SNED1: variants seen among roughly 807,000 people sequenced by gnomAD.
SNED1 encodes the protein sushi, nidogen and EGF-like domain-containing protein 1.
A neutral mutation model predicts 166.7 loss-of-function variants in SNED1; 81 were observed. The ratio of observed to expected loss-of-function variants is 0.49; its 90% CI spans 0.41 to 0.58. The LOEUF (loss-of-function observed/expected upper bound fraction) is 0.58, where lower values mean the gene tolerates loss of function less well. SNED1 is among the 20% of genes least tolerant of loss of function. The probability of loss-of-function intolerance (pLI) is 0.00; values close to 1 mark genes in which losing one functional copy is unlikely to be tolerated. For synonymous variants in SNED1, 762 were observed against 822.0 expected (o/e 0.93, Z 1.25); for missense variants, 1,604 against 2,000.2 (o/e 0.80, Z 3.78).
chr2:241,023,913 A>T (rs2060850744), intron 1 of SNED1, among the ~76,000 whole-genome samples: 2 of 49,614 alleles, frequency 4.0e-5, no homozygotes, highest in Admixed American at 3.2e-4. Context: ...TTTTTGAGAC[A>T]GAGACTTGCT....
intron 2 of SNED1, chr2:241,033,504 A>C: frequency 5.8e-6 from 3 of 517,616 alleles, no homozygotes; most frequent in South Asian, 5.3e-5. Context: ...CACTCACCCC[A>C]GCAATAGTTG....
chr2:241,079,411 CAA>C (rs757361914), intron 27 of SNED1, among the ~76,000 whole-genome samples: 20 of 74,416 alleles, frequency 2.7e-4, no homozygotes, highest in Admixed American at 4.7e-4. Flanking sequence ...GACTCCATCT[CAA>C]AAAAAAAAAA....
chr2:241,020,592 TGG>T (rs1257280796), intron 1 of SNED1, among the ~76,000 whole-genome samples: 2 of 152,238 alleles, frequency 1.3e-5, no homozygotes, highest in African/African-American at 4.8e-5. Flanking sequence ...CAGGACCTGT[TGG>T]GCGCTGCCCT....
chr2:241,033,530 C>A, intron 2 of SNED1: 1 of 572,730 alleles, frequency 1.7e-6, no homozygotes. Context: ...TGCAGACGGC[C>A]TCTGCTGAGT....
rs551511424 is a variant in SNED1, at chr2:241,036,181, G to A, written c.806-609G>A. Among the ~76,000 whole-genome samples the A allele has an allele frequency of 1.3e-3, 199 of 151,942 alleles. 1 individual carries two copies. Among genetic ancestry groups the A allele is most frequent in the Middle Eastern group, 0.01 (3 of 294 alleles). On this transcript the variant is annotated intron_variant, in intron 4 of 31. Coordinates refer to ENST00000310397, the MANE Select transcript of SNED1 (RefSeq NM_001080437.3). ...AGAGGAAAGATGCAGTCGCAGGGCG[G>A]GAAGACCCATCTGAGGGCTGCAGGT...
intron 1 of SNED1, among the ~76,000 whole-genome samples, chr2:241,002,034 C>T (rs994279997): frequency 4.6e-5 from 7 of 152,300 alleles, no homozygotes; most frequent in African/African-American, 9.6e-5. Context: ...GGCACAGTCC[C>T]GGCCCTACCC....
At chr2:241,017,659 G>A (rs980356398) in intron 1 of SNED1, among the ~76,000 whole-genome samples, 2 of 152,184 alleles carry the variant, frequency 1.3e-5, no homozygotes, top group Admixed American at 6.5e-5. Context: ...ACCAGTATAC[G>A]CCATGCCAGC....
intron 31 of SNED1, chr2:241,090,438 A>G (rs982564913): frequency 8.4e-6 from 13 of 1,545,110 alleles, no homozygotes; most frequent in East Asian, 2.4e-5. Flanking sequence ...TCATAAGTAG[A>G]AGGAGTACAC....
Position 241,073,595 on chromosome 2 carries a change from C to T in SNED1, c.3916+231C>T. On this transcript the variant is annotated intron_variant, in intron 27 of 31. Coordinates refer to ENST00000310397, the MANE Select transcript of SNED1 (RefSeq NM_001080437.3). This position sits in a 1 kb window ranked among gnomAD's most constrained non-coding sequence, Gnocchi z 6.6. ...GGCCAGGGGGCAGGACCCACCCAAA[C>T]CACCCAGAGTCTGAGCTAGAGAGAC... 1.7e-6 allele frequency: 1 copy of T among 588,948 alleles called. No individual in the cohort carries two copies. Among genetic ancestry groups the T allele is most frequent in the Non-Finnish European group, 3.0e-6 (1 of 328,038 alleles). 36.5% of individuals were successfully genotyped at this position (588,948 alleles called of 1,614,324 possible).
chr2:241,062,565 G>A (rs1156937901), intron 16 of SNED1, among the ~76,000 whole-genome samples: 3 of 152,134 alleles, frequency 2.0e-5, no homozygotes, highest in African/African-American at 7.2e-5. Context: ...GGAGCCCTGG[G>A]GTGGTTTCAA....
At position 241,019,977 on chromosome 2, in the gene SNED1, C is replaced by T. The variant is rs1313775630; in HGVS notation, c.214-10307C>T. Among the ~76,000 whole-genome samples, 3 of 152,334 alleles carry T rather than the reference C, an allele frequency of 2.0e-5. No individual in the cohort carries two copies. In the East Asian group the frequency reaches 5.8e-4, roughly 29 times the overall value. On this transcript the variant is annotated intron_variant, in intron 1 of 31. Coordinates refer to ENST00000310397, the MANE Select transcript of SNED1 (RefSeq NM_001080437.3). ...ACGTGAGTGTGCTCAGCCGTGCTCC[C>T]ACAAACCCTGTTTCTGAAACCAGGC...
Position 241,082,188 on chromosome 2 carries a change from C to T in SNED1, c.4034-89C>T, listed in dbSNP as rs1245362636. ...TGGAGGAAGCCAGCCTAAGGACCCCCGGGCCCTCTCCCTTGGGCAAGGCCT... is the reference window on the plus strand; with the variant it reads ...TGGAGGAAGCCAGCCTAAGGACCCCTGGGCCCTCTCCCTTGGGCAAGGCCT... On this transcript the variant is annotated intron_variant, in intron 28 of 31. Transcript: ENST00000310397. 9 of 1,052,820 alleles carry T rather than the reference C, an allele frequency of 8.5e-6. No homozygotes were observed. In the East Asian group the frequency reaches 9.6e-5, roughly 11 times the overall value. The allele number at this position is 1,052,820 out of a possible 1,614,324, so 65.2% of individuals were successfully genotyped here. A position where few individuals can be genotyped will look rare whatever the true frequency, so the allele number is the denominator to read the frequency against.
intron 27 of SNED1, among the ~76,000 whole-genome samples, chr2:241,079,442 C>T (rs959689337): frequency 2.0e-5 from 3 of 148,408 alleles, no homozygotes; most frequent in African/African-American, 7.4e-5. Context: ...ACGTGCAGAA[C>T]AGTGTTTTCA....
At chr2:241,059,541 T>C (rs1028804984) in intron 16 of SNED1, among the ~76,000 whole-genome samples, 2 of 152,172 alleles carry the variant, frequency 1.3e-5, no homozygotes, top group Non-Finnish European at 2.9e-5. Context: ...CCAAACAAAA[T>C]ATTACTAAGT....
intron 16 of SNED1, among the ~76,000 whole-genome samples, chr2:241,059,606 T>A (rs1019967751): frequency 1.3e-5 from 2 of 152,018 alleles, no homozygotes; most frequent in Admixed American, 1.3e-4. Flanking sequence ...GGGATTTTTC[T>A]CAAGGACACA....
intron 1 of SNED1, among the ~76,000 whole-genome samples, chr2:241,014,998 T>C (rs528688178): frequency 1.1e-4 from 17 of 152,302 alleles, no homozygotes; most frequent in Non-Finnish European, 1.5e-4. Flanking sequence ...GCCAGGAGCG[T>C]TGGGCTAACT....
At chr2:241,044,270 A>G (rs2061591008) in intron 8 of SNED1, among the ~76,000 whole-genome samples, 1 of 152,360 alleles carries the variant, frequency 6.6e-6, no homozygotes, top group African/African-American at 2.4e-5. Flanking sequence ...GTCAAATTGA[A>G]TTGAAAAGCA....
chr2:241,059,336 C>G (rs1279583579), intron 16 of SNED1, among the ~76,000 whole-genome samples: 7 of 152,244 alleles, frequency 4.6e-5, no homozygotes, highest in Non-Finnish European at 8.8e-5. Context: ...CAACTTTGTA[C>G]AACCTCTTTT....
intron 31 of SNED1, 158 bp downstream of exon 31, chr2:241,088,560 A>G (rs1033067270): frequency 2.3e-5 from 15 of 640,276 alleles, no homozygotes; most frequent in Non-Finnish European, 3.9e-5. Flanking sequence ...CCGGGCAGGA[A>G]GGTTCAGAAG....
Sources: gnomAD v4.1 joint callset for allele counts (sites outside exome capture counted in the v4.1 genomes callset) on GRCh38, gnomAD v4.1.1 for gene constraint, Gnocchi (gnomAD v3.1) non-coding constraint, MANE v1.5 for transcripts, NCBI Gene and HGNC (gene_info 2026-07-23, HGNC 2026-07-21) for gene names.